TAF1: variants seen among roughly 807,000 people sequenced by gnomAD.
TAF1 encodes transcription initiation factor TFIID subunit 1.
A neutral mutation model predicts 138.5 loss-of-function variants in TAF1; 2 were observed. That is an observed-to-expected ratio of 0.01 (90% CI 0.01 to 0.05). The LOEUF (loss-of-function observed/expected upper bound fraction) is 0.05. TAF1 is among the 10% of genes least tolerant of loss of function. The pLI is 1.00. For missense variants in TAF1, 709 were observed against 1,478.0 expected (o/e 0.48, Z 8.53); for synonymous variants, 437 against 503.2 (o/e 0.87, Z 1.76).
In TAF1 at chrX:71,408,161, A is replaced by G. The variant is rs934421577; in HGVS notation, c.4384+10A>G. On this transcript the variant is annotated intron_variant, in intron 28 of 37. Transcript: ENST00000423759. ...AGTGCAACCTACAATGGTAAGAATC[A>G]AATGTTCCGTGATTGCAAAGGTCAC... 1 of 1,207,874 alleles carries G rather than the reference A, an allele frequency of 8.3e-7. No homozygotes were observed. Among genetic ancestry groups the G allele is most frequent in the African/African-American group, 1.7e-5 (1 of 57,162 alleles).
rs181596211 is a variant in TAF1 at position 71,373,933 on chromosome X, G to A, written c.353-1234G>A. On this transcript the variant is annotated intron_variant, in intron 3 of 37. Coordinates refer to ENST00000423759, the MANE Select transcript of TAF1 (RefSeq NM_004606.5). ...CCAGTCTTAAGGGAAACTGACAGAG[G>A]GAGAAGATTCCCAAAGTGCTGGGAT... 3.6e-5 allele frequency among the ~76,000 whole-genome samples: 4 copies of A among 110,831 alleles called. No individual in the cohort carries two copies. In the East Asian group the frequency reaches 1.1e-3, roughly 31 times the overall value.
intron 18 of TAF1, among the ~76,000 whole-genome samples, chrX:71,390,295 A>T (rs1013024411): frequency 1.8e-5 from 2 of 111,709 alleles, no homozygotes; most frequent in African/African-American, 6.5e-5. Flanking sequence ...CTTATATTCT[A>T]AGCTCCAACC....
chrX:71,366,557 G>C (rs895211977), intron 1 of TAF1, 63 bp downstream of exon 1: 16 of 1,042,157 alleles, frequency 1.5e-5, no homozygotes, highest in African/African-American at 1.9e-5. Context: ...AGGAGGTGCG[G>C]GGAGGAAAGG....
intron 9 of TAF1, among the ~76,000 whole-genome samples, chrX:71,382,272 AAGT>A (rs1304209494): frequency 9.0e-6 from 1 of 111,336 alleles, no homozygotes; most frequent in African/African-American, 3.3e-5. Flanking sequence ...GACTGTCGGA[AAGT>A]AGTACCTTTG....
At chrX:71,497,429 A>G (rs1602851042) in intron 13 of TAF1, among the ~76,000 whole-genome samples, 1 of 110,836 alleles carries the variant, frequency 9.0e-6, no homozygotes, top group African/African-American at 3.3e-5. Flanking sequence ...GGCACCTAGT[A>G]TGCCATTTAC....
chrX:71,428,450 CACTT>C (rs2036709556), intron 32 of TAF1, among the ~76,000 whole-genome samples: 1 of 111,706 alleles, frequency 9.0e-6, no homozygotes, highest in Non-Finnish European at 1.9e-5. Context: ...TTGGCCCCAC[CACTT>C]AATAGCAATG....
intron 13 of TAF1, chrX:71,528,494 A>G: frequency 3.3e-6 from 1 of 304,657 alleles, no homozygotes; most frequent in Non-Finnish European, 6.4e-6. Flanking sequence ...TGTCTTCAGG[A>G]ATGTCTTCAT....
intron 32 of TAF1, among the ~76,000 whole-genome samples, chrX:71,438,458 C>G (rs1322460037): frequency 9.0e-6 from 1 of 111,637 alleles, no homozygotes. Context: ...GAGTTTCATT[C>G]TTTTTTATGA....
intron 12 of TAF1, among the ~76,000 whole-genome samples, chrX:71,383,619 T>C (rs1477951880): frequency 1.8e-5 from 2 of 112,070 alleles, no homozygotes; most frequent in African/African-American, 3.2e-5. Context: ...AGATTACTTA[T>C]AATACCTACT....
In TAF1 at chrX:71,382,565, T is replaced by C; in HGVS notation, c.1567T>C (p.Ser523Pro). The change falls in exon 10 of 38, where the codon TCT becomes CCT. Residue 523 changes from serine to proline, a missense_variant. This residue lies in a region of TAF1 where 201 missense variants were observed against 421.3 expected (regional missense o/e 0.48). Transcript: ENST00000423759. ...EIPDEKEEAT[S>P]NSPSKESKKE... ...TCCTGATGAGAAGGAAGAGGCCACC[T>C]CTAACTCCCCCTCCAAGGAGAGTAA... 1 of 1,210,423 alleles carries C rather than the reference T, an allele frequency of 8.3e-7. No homozygotes were observed. The highest frequency in any genetic ancestry group is 2.3e-4 in the Middle Eastern group (1 of 4,340).
chrX:71,377,782 T>C lies in TAF1; in HGVS notation c.894T>C (p.Ala298=). 1 of 1,210,947 alleles carries C rather than the reference T, an allele frequency of 8.3e-7. No individual in the cohort carries two copies. The highest frequency in any genetic ancestry group is 1.8e-5 in the South Asian group (1 of 56,797). The change falls in exon 6 of 38, where the codon GCT becomes GCC. Residue 298 remains alanine, a synonymous_variant. Transcript: ENST00000423759. ...SQKSLWNYDY[A]PPPPPEQCLS... ...AGTCTTTGTGGAACTACGACTACGCTCCACCACCACCTCCAGAGCAGTGTC... is the reference window on the plus strand; with the variant it reads ...AGTCTTTGTGGAACTACGACTACGCCCCACCACCACCTCCAGAGCAGTGTC...
chrX:71,470,990 G>A (rs1057113055), downstream of TAF1, among the ~76,000 whole-genome samples: 23 of 107,866 alleles, frequency 2.1e-4, no homozygotes, highest in African/African-American at 7.1e-4. Flanking sequence ...ACTGCAGTCC[G>A]GCCTGGACAA....
At chrX:71,463,513 C>T (rs900036393) in intron 37 of TAF1, among the ~76,000 whole-genome samples, 1 of 111,240 alleles carries the variant, frequency 9.0e-6, no homozygotes, top group African/African-American at 3.3e-5. Flanking sequence ...GGACTATTGA[C>T]TAATTGGATA....
At position 71,378,359 on chromosome X, in the gene TAF1, T is replaced by C; in HGVS notation, c.1058T>C (p.Met353Thr). Residue 353 changes from methionine (M) to threonine (T), a missense_variant, in exon 7 of 38, where the codon ATG (methionine) becomes ACG (threonine). Physicochemically the swap from Met to Thr is moderately conservative, Grantham distance 81 (BLOSUM62 -1). Around this residue, in one of 14 missense-constraint regions of TAF1, gnomAD observed 201 missense variants for 421.3 expected, o/e 0.48. Coordinates refer to ENST00000423759, the MANE Select transcript of TAF1 (RefSeq NM_004606.5). ...RYGPARLWYD[M>T]LGVPEDGSGF... ...GGGCCTGCCCGACTGTGGTATGATA[T>C]GCTGGGTGTCCCTGAAGATGGCAGT... 8.2e-7 allele frequency: 1 copy of C among 1,212,226 alleles called. No individual in the cohort carries two copies. Among genetic ancestry groups the C allele is most frequent in the Non-Finnish European group, 1.1e-6 (1 of 895,669 alleles).
chrX:71,423,326 A>C (rs935720654), intron 30 of TAF1, 87 bp downstream of exon 30: 67 of 1,162,015 alleles, frequency 5.8e-5, no homozygotes, highest in Non-Finnish European at 3.3e-5. Flanking sequence ...TATTTTGGAG[A>C]GTCTGAGTGG....
intron 13 of TAF1, among the ~76,000 whole-genome samples, chrX:71,500,043 C>G (rs754048961): frequency 9.1e-6 from 1 of 110,378 alleles, no homozygotes; most frequent in African/African-American, 3.3e-5. Context: ...ACCGATAGCC[C>G]GGGGGTTTTT....
intron 13 of TAF1, among the ~76,000 whole-genome samples, chrX:71,493,913 CAGTA>C (rs2039345542): frequency 8.9e-6 from 1 of 111,870 alleles, no homozygotes; most frequent in South Asian, 3.7e-4. Context: ...TTTGAGGCCT[CAGTA>C]AGCTACAATT....
chrX:71,430,100 G>T (rs752624053), intron 32 of TAF1, among the ~76,000 whole-genome samples: 2 of 111,518 alleles, frequency 1.8e-5, no homozygotes, highest in Non-Finnish European at 3.8e-5. Context: ...GCACATCTAG[G>T]CCGGGCACGG....
chrX:71,482,058 T>C (rs1446399303), intron 13 of TAF1, among the ~76,000 whole-genome samples: 3 of 112,143 alleles, frequency 2.7e-5, no homozygotes, highest in Non-Finnish European at 5.6e-5. Flanking sequence ...CCTTAGCAGG[T>C]TGGCTTTCGG....
Sources: gnomAD v4.1 joint callset for allele counts (sites outside exome capture counted in the v4.1 genomes callset) on GRCh38, gnomAD v4.1.1 for gene constraint, gnomAD v4.1.1 regional missense constraint, MANE v1.5 for transcripts, NCBI Gene and HGNC (gene_info 2026-07-23, HGNC 2026-07-21) for gene names.